The following BTAF1 variants were observed in gnomAD, a reference collection of about 807,000 sequenced individuals.
BTAF1 encodes TATA-binding protein-associated factor 172.
In BTAF1, 38 loss-of-function variants were observed where a neutral mutation model predicts 227.1. The ratio of observed to expected loss-of-function variants is 0.17; its 90% CI spans 0.13 to 0.22. BTAF1 has a LOEUF of 0.22. Among genes scored for constraint, BTAF1 ranks in the 10% least tolerant of loss-of-function variants. The pLI, the probability that BTAF1 is intolerant of heterozygous loss-of-function variation, is 1.00. For synonymous variants in BTAF1, 742 were observed against 751.9 expected (o/e 0.99, Z 0.21); for missense variants, 1,598 against 2,204.0 (o/e 0.73, Z 5.51).
intron 30 of BTAF1, among the ~76,000 whole-genome samples, chr10:92,013,396 A>G (rs1473753355): frequency 1.3e-5 from 2 of 152,208 alleles, no homozygotes; most frequent in East Asian, 3.8e-4. Context: ...TTAGTACTTC[A>G]TAAATGCCAA....
chr10:92,014,115 G>A, intron 32 of BTAF1, 86 bp downstream of exon 32: 1 of 1,399,322 alleles, frequency 7.1e-7, no homozygotes, highest in Non-Finnish European at 9.7e-7. Context: ...GAATAAAGGG[G>A]CTTAGCCTTT....
chr10:91,952,912 T>G (rs1462638670), intron 5 of BTAF1, among the ~76,000 whole-genome samples: 2 of 152,266 alleles, frequency 1.3e-5, no homozygotes, highest in East Asian at 3.9e-4. Flanking sequence ...AATGGGCAGG[T>G]GTATTAGAAA....
chr10:91,929,945 A>G (rs1408082183), intron 1 of BTAF1, among the ~76,000 whole-genome samples: 1 of 152,218 alleles, frequency 6.6e-6, no homozygotes, highest in African/African-American at 2.4e-5. Flanking sequence ...AAATTTAGAG[A>G]TAAACTAGAA....
intron 16 of BTAF1, 109 bp downstream of exon 16, chr10:91,981,901 A>G: frequency 7.2e-7 from 1 of 1,379,992 alleles, no homozygotes; most frequent in East Asian, 2.5e-5. Context: ...AATTAACATA[A>G]GTAAGGAGAA....
chr10:91,959,634 T>A (rs1365954739), intron 9 of BTAF1, 151 bp from the exon 10 acceptor site: 2 of 298,948 alleles, frequency 6.7e-6, no homozygotes, highest in African/African-American at 4.3e-5. Context: ...CCCCATTTTT[T>A]ATTTTTGATT....
chr10:91,998,264 T>C (rs972360938), intron 25 of BTAF1, among the ~76,000 whole-genome samples: 2 of 152,216 alleles, frequency 1.3e-5, no homozygotes, highest in Admixed American at 6.5e-5. Flanking sequence ...GGTACTTTTT[T>C]CCTTTAACAC....
chr10:91,977,274 CAG>C (rs1847765069), intron 14 of BTAF1, among the ~76,000 whole-genome samples: 2 of 152,140 alleles, frequency 1.3e-5, no homozygotes, highest in African/African-American at 4.8e-5. Flanking sequence ...GAAGGCAGAT[CAG>C]AGGAAGAAAC....
intron 37 of BTAF1, 56 bp downstream of exon 37, chr10:92,027,356 T>C (rs1049309897): frequency 1.2e-5 from 18 of 1,485,264 alleles, no homozygotes; most frequent in Non-Finnish European, 4.5e-6. Context: ...CTGTGACTGC[T>C]AAGTTGAAAG....
intron 19 of BTAF1, among the ~76,000 whole-genome samples, chr10:91,986,498 A>C (rs1374948138): frequency 6.6e-6 from 1 of 152,212 alleles, no homozygotes; most frequent in African/African-American, 2.4e-5. Flanking sequence ...TTGAAAAATA[A>C]TATAGTTGAA....
intron 4 of BTAF1, 135 bp from the exon 5 acceptor site, chr10:91,951,268 C>G: frequency 2.4e-6 from 2 of 846,434 alleles, no homozygotes; most frequent in South Asian, 3.9e-5. Context: ...ATGAGATGAT[C>G]ATGAATGAAT....
intron 16 of BTAF1, 53 bp downstream of exon 16, chr10:91,981,845 A>G (rs1848083312): frequency 6.5e-7 from 1 of 1,537,274 alleles, no homozygotes. Flanking sequence ...AATTATTAAT[A>G]CAGTAACCAT....
intron 2 of BTAF1, among the ~76,000 whole-genome samples, chr10:91,938,433 A>T (rs946854292): frequency 3.3e-5 from 5 of 152,106 alleles, no homozygotes; most frequent in Non-Finnish European, 5.9e-5. Flanking sequence ...TTTTTAGTTA[A>T]TTTTTGTGTA....
chr10:91,960,140 T>C lies in BTAF1; in HGVS notation c.1249T>C (p.Leu417=), dbSNP rs761255384. The C allele has an allele frequency of 3.1e-6, 5 of 1,612,524 alleles. No homozygotes were observed. The African/African-American group carries it at 5.3e-5, about 17-fold the overall frequency. The change falls in exon 11 of 38, where the codon TTG becomes CTG. Residue 417 remains leucine (L), a synonymous_variant. Coordinates refer to ENST00000265990, the MANE Select transcript of BTAF1 (RefSeq NM_003972.3). The part of the protein sequence containing the change: ...HGGLLGIKYA[L]AVRQDVINTL... ...TGGTCTGCTGGGAATAAAATATGCT[T>C]TGGCAGTCCGTCAGGTAAATATTTC...
At chr10:92,017,639 A>G (rs1170520415) in intron 33 of BTAF1, among the ~76,000 whole-genome samples, 1 of 151,962 alleles carries the variant, frequency 6.6e-6, no homozygotes, top group Non-Finnish European at 1.5e-5. Context: ...CTTCCTAAGT[A>G]GGTAGGACTA....
chr10:92,006,953 A>G (rs563776061), intron 25 of BTAF1, among the ~76,000 whole-genome samples: 2 of 152,286 alleles, frequency 1.3e-5, no homozygotes, highest in South Asian at 4.1e-4. Flanking sequence ...CAAACAGAAC[A>G]TACAGTTAGT....
At chr10:92,022,239 TG>T (rs1851190773) in intron 34 of BTAF1, among the ~76,000 whole-genome samples, 1 of 152,214 alleles carries the variant, frequency 6.6e-6, no homozygotes, top group Admixed American at 6.5e-5. Context: ...GAAGAATGTC[TG>T]GTAAGTATGG....
chr10:91,950,149 G>C (rs12251361), intron 4 of BTAF1, among the ~76,000 whole-genome samples: 1,388 of 39,600 alleles, frequency 0.035, 36 homozygotes, highest in African/African-American at 0.076. Context: ...TGTCCTTTGT[G>C]GGGGGGGGCG....
At chr10:91,974,142 A>G (rs1390618780) in intron 14 of BTAF1, among the ~76,000 whole-genome samples, 1 of 152,208 alleles carries the variant, frequency 6.6e-6, no homozygotes, top group Non-Finnish European at 1.5e-5. Flanking sequence ...TTCTCAAGCT[A>G]TACCTCAATA....
At chr10:91,966,088 T>C (rs1846890472) in intron 13 of BTAF1, among the ~76,000 whole-genome samples, 2 of 152,212 alleles carry the variant, frequency 1.3e-5, no homozygotes, top group African/African-American at 4.8e-5. Context: ...ACTTAATCTA[T>C]GAGAAGGAAG....
Sources: gnomAD v4.1 joint callset for allele counts (sites outside exome capture counted in the v4.1 genomes callset) on GRCh38, gnomAD v4.1.1 for gene constraint, MANE v1.5 for transcripts, NCBI Gene and HGNC (gene_info 2026-07-23, HGNC 2026-07-21) for gene names.